Variants in SYNE1 observed in about 807,000 individuals in gnomAD.
SYNE1 encodes the protein nesprin-1.
In SYNE1, 616 loss-of-function variants were observed where a neutral mutation model predicts 1,111.0. That is an observed-to-expected ratio of 0.55 (90% confidence interval 0.52 to 0.59). SYNE1 has a LOEUF of 0.59. SYNE1 is among the 20% of genes least tolerant of loss of function. SYNE1 has a pLI of 0.00. For synonymous variants in SYNE1, 3,855 were observed against 3,825.8 expected, an observed-to-expected ratio of 1.01 and a Z score of -0.28; for missense variants, 10,006 against 10,417.0, an observed-to-expected ratio of 0.96 and a Z score of 1.72.
intron 108 of SYNE1, among the ~76,000 whole-genome samples, chr6:152,238,924 G>A (rs1335009843): frequency 6.7e-6 from 1 of 149,842 alleles, no homozygotes; most frequent in Non-Finnish European, 1.5e-5. Context: ...TTGAGACAGA[G>A]TTTTACTCCC....
In SYNE1 at chr6:152,401,266, C is replaced by T. The variant is rs759275108; in HGVS notation, c.6901G>A (p.Asp2301Asn). 2 of 1,614,128 alleles carry T rather than the reference C, an allele frequency of 1.2e-6. No individual in the cohort carries two copies. The highest frequency in any genetic ancestry group is 1.7e-6 in the Non-Finnish European group (2 of 1,180,010). Residue 2301 changes from aspartate to asparagine, a missense_variant, in exon 47 of 146, where the codon GAT (aspartate) becomes AAT (asparagine). Asp to Asn is a conservative substitution (Grantham distance 23). This residue lies in a region of SYNE1 where 4,955 missense variants were observed against 5,017.2 expected (regional missense o/e 0.99). Transcript: ENST00000367255. ...ITEVAKGTLK[D>N]FTAQSTQVEK... Reference sequence around the variant, plus strand: ...ACTTGTGTACTTTGAGCCGTGAAATCCTTCAGGGTTCCTTTTGCTACTTCA... The same window carrying T: ...ACTTGTGTACTTTGAGCCGTGAAATTCTTCAGGGTTCCTTTTGCTACTTCA...
At chr6:152,439,284 G>C (rs1203200178) in intron 32 of SYNE1, among the ~76,000 whole-genome samples, 1 of 152,174 alleles carries the variant, frequency 6.6e-6, no homozygotes, top group Non-Finnish European at 1.5e-5. Context: ...GGAATCATAG[G>C]GGGTCAGAAA....
chr6:152,192,210 T>A (rs778938096), intron 127 of SYNE1, among the ~76,000 whole-genome samples: 7 of 152,208 alleles, frequency 4.6e-5, no homozygotes, highest in Non-Finnish European at 7.3e-5. Context: ...GGGAGAAGAA[T>A]GTGTATTTTG....
At chr6:152,168,070 A>G in intron 130 of SYNE1, 1 of 780,926 alleles carries the variant, frequency 1.3e-6, no homozygotes, top group Non-Finnish European at 2.4e-6. Context: ...CCCACGTAAC[A>G]TGAAAGCTAT....
chr6:152,453,862 T>A (rs1224773996), intron 24 of SYNE1, 142 bp from the exon 25 acceptor site: 4 of 965,866 alleles, frequency 4.1e-6, no homozygotes, highest in Non-Finnish European at 6.5e-6. Context: ...CTATTGTTTT[T>A]TAAGGATGAA....
chr6:152,406,171 C>T (rs2154161700), intron 45 of SYNE1, among the ~76,000 whole-genome samples: 1 of 152,156 alleles, frequency 6.6e-6, no homozygotes, highest in East Asian at 1.9e-4. Context: ...GAATTGGTGA[C>T]TAGAACTTTA....
chr6:152,446,621 A>G (rs896670955), intron 29 of SYNE1, among the ~76,000 whole-genome samples: 2 of 152,106 alleles, frequency 1.3e-5, no homozygotes, highest in Admixed American at 6.5e-5. Context: ...CCATTAGGCC[A>G]TTTTTCCATG....
intron 84 of SYNE1, 56 bp from the exon 85 acceptor site, chr6:152,319,071 T>C: frequency 6.2e-7 from 1 of 1,603,868 alleles, no homozygotes; most frequent in East Asian, 2.2e-5. Context: ...GAATAATAGA[T>C]ACTAAAAATC....
intron 10 of SYNE1, among the ~76,000 whole-genome samples, chr6:152,501,936 C>A (rs1330325938): frequency 6.6e-6 from 1 of 152,016 alleles, no homozygotes; most frequent in African/African-American, 2.4e-5. Context: ...TACCATAATT[C>A]TATTTTTATT....
intron 104 of SYNE1, among the ~76,000 whole-genome samples, chr6:152,251,287 A>C (rs1178725394): frequency 2.0e-5 from 3 of 151,738 alleles, no homozygotes; most frequent in Non-Finnish European, 2.9e-5. Flanking sequence ...TTCTCTCTTA[A>C]CTATGTTCTA....
intron 48 of SYNE1, 63 bp downstream of exon 48, chr6:152,399,553 A>G: frequency 6.3e-7 from 1 of 1,588,324 alleles, no homozygotes; most frequent in South Asian, 1.1e-5. Flanking sequence ...GTTTCTAGGC[A>G]GCATTTGGTT....
At position 152,395,290 on chromosome 6, in the gene SYNE1, G is replaced by T. The variant is rs1450497446; in HGVS notation, c.7712+226C>A. Among the ~76,000 whole-genome samples, 3 of 152,160 alleles carry T rather than the reference G, an allele frequency of 2.0e-5. No individual in the cohort carries two copies. In the East Asian group the frequency reaches 5.8e-4, roughly 29 times the overall value. On this transcript the variant is annotated intron_variant, in intron 51 of 145. Coordinates refer to ENST00000367255, the MANE Select transcript of SYNE1 (RefSeq NM_182961.4). ...CAATTTCTTGAACAAACAGGAGGTG[G>T]ATCTGGAATGCAGATGAGCTTCTTA...
In SYNE1 at chr6:152,141,917, A is replaced by T. The variant is rs564866217; in HGVS notation, c.25120-588T>A. ...AGACCCTGTCTCTATAAAATATTTT[A>T]AAAATGAGCCAGGCGTGGTGGTGAG... On this transcript the variant is annotated intron_variant, in intron 138 of 145. Transcript: ENST00000367255. 5.5e-4 allele frequency among the ~76,000 whole-genome samples: 84 copies of T among 152,230 alleles called. 1 individual carries two copies. Among genetic ancestry groups the T allele is most frequent in the African/African-American group, 2.0e-3 (83 of 41,540 alleles).
intron 3 of SYNE1, among the ~76,000 whole-genome samples, chr6:152,601,123 G>C (rs1007418392): frequency 6.6e-6 from 1 of 152,172 alleles, no homozygotes; most frequent in Non-Finnish European, 1.5e-5. Flanking sequence ...AATGGATATG[G>C]GATATATGCT....
intron 27 of SYNE1, 71 bp downstream of exon 27, chr6:152,450,554 T>C (rs2098639209): frequency 2.4e-6 from 3 of 1,274,556 alleles, no homozygotes; most frequent in East Asian, 4.6e-5. Flanking sequence ...TATTTCTTGT[T>C]TTGTCATGAT....
chr6:152,624,011 A>C (rs2099681113), intron 3 of SYNE1, among the ~76,000 whole-genome samples: 1 of 152,170 alleles, frequency 6.6e-6, no homozygotes, highest in Non-Finnish European at 1.5e-5. Context: ...TATTACTCAT[A>C]AAAAATTTTC....
chr6:152,206,497 A>T, intron 125 of SYNE1, 135 bp from the exon 126 acceptor site: 1 of 867,056 alleles, frequency 1.2e-6, no homozygotes, highest in Non-Finnish European at 1.8e-6. Flanking sequence ...TTGCACATGC[A>T]TGCACCAGTG....
intron 7 of SYNE1, 111 bp from the exon 8 acceptor site, chr6:152,510,482 C>G (rs1314625597): frequency 1.5e-6 from 2 of 1,292,382 alleles, no homozygotes; most frequent in African/African-American, 2.9e-5. Flanking sequence ...TCTTGACATT[C>G]CTGACAAAAT....
intron 16 of SYNE1, among the ~76,000 whole-genome samples, chr6:152,469,316 A>G (rs2098791230): frequency 6.6e-6 from 1 of 151,832 alleles, no homozygotes; most frequent in African/African-American, 2.4e-5. Flanking sequence ...CTACCATTTC[A>G]TTATTATTAT....
Sources: gnomAD v4.1 joint callset for allele counts (sites outside exome capture counted in the v4.1 genomes callset) on GRCh38, gnomAD v4.1.1 for gene constraint, gnomAD v4.1.1 regional missense constraint, MANE v1.5 for transcripts, NCBI Gene and HGNC (gene_info 2026-07-23, HGNC 2026-07-21) for gene names.